The following KCNIP1 variants were observed in gnomAD, a reference collection of about 807,000 sequenced individuals.
KCNIP1 encodes A-type potassium channel modulatory protein KCNIP1.
KCNIP1 carries 18 observed loss-of-function variants against 33.0 expected under a neutral mutation model. The ratio of observed to expected loss-of-function variants is 0.55; its 90% CI spans 0.38 to 0.81. The LOEUF (loss-of-function observed/expected upper bound fraction) is 0.81. KCNIP1 is among the 30% of genes least tolerant of loss of function. The pLI is 0.00. For missense variants in KCNIP1, 238 were observed against 271.6 expected (o/e 0.88, Z 0.87); for synonymous variants, 93 against 98.3 (o/e 0.95, Z 0.32).
chr5:170,661,181 G>A (rs1761469902), intron 1 of KCNIP1, among the ~76,000 whole-genome samples: 1 of 152,238 alleles, frequency 6.6e-6, no homozygotes, highest in African/African-American at 2.4e-5. Context: ...GGAGCTCAAA[G>A]GAGAGGCTGG....
chr5:170,495,326 C>A (rs1345987302), intron 1 of KCNIP1, among the ~76,000 whole-genome samples: 2 of 152,194 alleles, frequency 1.3e-5, no homozygotes, highest in South Asian at 4.1e-4. Flanking sequence ...TTTCCTGGAC[C>A]GCACCACTGT....
intron 1 of KCNIP1, among the ~76,000 whole-genome samples, chr5:170,660,465 G>A (rs1316620738): frequency 6.6e-6 from 1 of 151,578 alleles, no homozygotes; most frequent in Non-Finnish European, 1.5e-5. Flanking sequence ...TTGATTTATG[G>A]TTTCTGCCAG....
In KCNIP1 at chr5:170,736,367, T is replaced by C. The variant is rs1055381; in HGVS notation, c.*561T>C. 0.75 allele frequency: 114,462 copies of C among 152,680 alleles called. 42,998 individuals are homozygous for C. The highest frequency in any genetic ancestry group is 0.86 in the East Asian group (4,461 of 5,158). 9.5% of individuals were successfully genotyped at this position (152,680 alleles called of 1,614,324 possible). On this transcript the variant is annotated 3_prime_UTR_variant, in exon 8 of 8. Coordinates refer to ENST00000328939, the MANE Select transcript of KCNIP1 (RefSeq NM_014592.4). ...GATAGGACTGAATTATTAAGCATGA[T>C]ATTGTCTGATGACCCAAACTGCCCA...
intron 1 of KCNIP1, among the ~76,000 whole-genome samples, chr5:170,408,783 T>C (rs986639357): frequency 6.6e-6 from 1 of 151,904 alleles, no homozygotes; most frequent in Non-Finnish European, 1.5e-5. Flanking sequence ...AAACCTTAGC[T>C]GAAAAGAAAA....
In KCNIP1 at chr5:170,390,523, T is replaced by A. The variant is rs1246246449; in HGVS notation, c.88+36559T>A. 1.9e-3 allele frequency among the ~76,000 whole-genome samples: 206 copies of A among 110,234 alleles called. 5 individuals are homozygous for A. Among genetic ancestry groups the A allele is most frequent in the African/African-American group, 4.2e-3 (112 of 26,378 alleles). 72.3% of individuals were successfully genotyped at this position (110,234 alleles called of 152,430 possible). ...GTCTCAAAAAAAAAAAACAAATATA[T>A]ATATATATATATATATTTTCAACAA... On this transcript the variant is annotated intron_variant, in intron 1 of 7. Transcript: ENST00000377360.
intron 1 of KCNIP1, among the ~76,000 whole-genome samples, chr5:170,491,027 G>A (rs1395149513): frequency 6.6e-6 from 1 of 152,182 alleles, no homozygotes; most frequent in African/African-American, 2.4e-5. Flanking sequence ...TGTGTTTAGG[G>A]TGCTACATCA....
chr5:170,558,938 C>T (rs1294400985), intron 1 of KCNIP1, among the ~76,000 whole-genome samples: 2 of 152,194 alleles, frequency 1.3e-5, no homozygotes, highest in Non-Finnish European at 2.9e-5. Context: ...CCTCCCAGGG[C>T]CTCAGTTTCT....
intron 1 of KCNIP1, among the ~76,000 whole-genome samples, chr5:170,696,138 G>A (rs1202202091): frequency 6.6e-6 from 1 of 151,802 alleles, no homozygotes; most frequent in East Asian, 1.9e-4. Context: ...AGTGTTCATA[G>A]ACTCTCCTTC....
At chr5:170,444,188 G>C (rs1756055610) in intron 1 of KCNIP1, among the ~76,000 whole-genome samples, 1 of 152,106 alleles carries the variant, frequency 6.6e-6, no homozygotes, top group African/African-American at 2.4e-5. Flanking sequence ...AATCCAAAAT[G>C]ACTCTCCCTG....
chr5:170,557,153 T>C (rs1053216348), intron 1 of KCNIP1, among the ~76,000 whole-genome samples: 5 of 152,172 alleles, frequency 3.3e-5, no homozygotes, highest in African/African-American at 1.2e-4. Flanking sequence ...CCAACACCCC[T>C]GGGCCTCTCT....
intron 1 of KCNIP1, among the ~76,000 whole-genome samples, chr5:170,539,572 GCATCT>G (rs1756119592): frequency 6.6e-6 from 1 of 152,164 alleles, no homozygotes; most frequent in Non-Finnish European, 1.5e-5. Context: ...CAAGGGTCTT[GCATCT>G]CATCACCCTG....
intron 1 of KCNIP1, among the ~76,000 whole-genome samples, chr5:170,649,695 A>G (rs1487452071): frequency 6.6e-6 from 1 of 152,052 alleles, no homozygotes; most frequent in Non-Finnish European, 1.5e-5. Context: ...TTTTTAGATT[A>G]GTAGGAGCAC....
At chr5:170,625,849 G>A (rs546568482) in intron 1 of KCNIP1, among the ~76,000 whole-genome samples, 18 of 152,320 alleles carry the variant, frequency 1.2e-4, no homozygotes, top group African/African-American at 4.3e-4. Flanking sequence ...TGGGGACTGG[G>A]CAGATGATGC....
At chr5:170,654,662 C>T (rs1490419307) in intron 1 of KCNIP1, among the ~76,000 whole-genome samples, 2 of 152,200 alleles carry the variant, frequency 1.3e-5, no homozygotes, top group Admixed American at 6.5e-5. Context: ...GCATATCAAG[C>T]ATCTGGAAGT....
intron 1 of KCNIP1, among the ~76,000 whole-genome samples, chr5:170,713,892 G>T (rs801987): frequency 9.9e-5 from 15 of 151,732 alleles, no homozygotes; most frequent in Non-Finnish European, 1.8e-4. Context: ...GGCATGGTGG[G>T]GCACACCTGT....
intron 1 of KCNIP1, among the ~76,000 whole-genome samples, chr5:170,364,487 A>G (rs1050915789): frequency 6.6e-6 from 1 of 152,218 alleles, no homozygotes; most frequent in African/African-American, 2.4e-5. Context: ...CTTACTGGAA[A>G]CTGTCTCCAG....
chr5:170,504,063 G>A lies in KCNIP1; in HGVS notation c.-510G>A, dbSNP rs888405824. ...TGGCAGCAGGCAGCAGGCAGCAGGC[G>A]GGCGCGCTGTGGCTCCGCGCCGCGC... On this transcript the variant is annotated 5_prime_UTR_variant, in exon 1 of 8. Coordinates refer to ENST00000328939, the MANE Select transcript of KCNIP1 (RefSeq NM_014592.4). This position sits in a 1 kb window ranked among gnomAD's most constrained non-coding sequence, Gnocchi z 6.0. 4.1e-6 allele frequency: 4 copies of A among 984,150 alleles called. No individual in the cohort carries two copies. Among genetic ancestry groups the A allele is most frequent in the African/African-American group, 1.8e-5 (1 of 55,920 alleles). 61.0% of individuals were successfully genotyped at this position (984,150 alleles called of 1,614,324 possible).
intron 1 of KCNIP1, among the ~76,000 whole-genome samples, chr5:170,655,537 C>T (rs1194228029): frequency 6.6e-6 from 1 of 152,192 alleles, no homozygotes; most frequent in African/African-American, 2.4e-5. Context: ...TCTAGGCCCA[C>T]CTTCACCAAG....
intron 1 of KCNIP1, among the ~76,000 whole-genome samples, chr5:170,357,772 C>T (rs984934478): frequency 2.0e-5 from 3 of 152,198 alleles, no homozygotes; most frequent in African/African-American, 4.8e-5. Flanking sequence ...AGAGACCCTC[C>T]TGCCTTGGGC....
Sources: allele counts gnomAD v4.1 joint callset (sites outside exome capture counted in the v4.1 genomes callset), GRCh38; gene constraint gnomAD v4.1.1; non-coding constraint Gnocchi (gnomAD v3.1); transcripts MANE v1.5; gene names NCBI Gene and HGNC (gene_info 2026-07-23, HGNC 2026-07-21).